Variants in DYNC1H1 observed in about 807,000 individuals in gnomAD.
DYNC1H1 encodes the protein dynein cytoplasmic 1 heavy chain 1.
Under a neutral mutation model 527.1 loss-of-function variants are expected in DYNC1H1, and 51 were observed. That is an observed-to-expected ratio of 0.10 (90% confidence interval 0.08 to 0.12). DYNC1H1 has a LOEUF of 0.12. Ranked by LOEUF, DYNC1H1 falls within the 10% of genes least tolerant of loss-of-function variation. The probability of loss-of-function intolerance (pLI) is 1.00; values close to 1 mark genes in which losing one functional copy is unlikely to be tolerated. For synonymous variants in DYNC1H1, 2,189 were observed against 2,278.8 expected (o/e 0.96, Z 1.12); for missense variants, 2,771 against 5,971.8 (o/e 0.46, Z 17.66).
intron 15 of DYNC1H1, 68 bp downstream of exon 15, chr14:101,995,368 T>C (rs950925487): frequency 6.1e-5 from 97 of 1,593,594 alleles, no homozygotes; most frequent in Non-Finnish European, 7.7e-5. Flanking sequence ...TCCCAGCACT[T>C]TGGGAGGCCG....
In DYNC1H1 at chr14:102,027,298, G is replaced by A; in HGVS notation, c.8886+10G>A. ...TGTGTACCAGATTAAGGTGCGTCTG[G>A]TCGGTGGCCTCTTAATCCCAGCAAC... On this transcript the variant is annotated intron_variant, in intron 45 of 77. Coordinates refer to ENST00000360184, the MANE Select transcript of DYNC1H1 (RefSeq NM_001376.5). The surrounding 1 kb of genome is among the most constrained non-coding windows in gnomAD (Gnocchi z 7.7). The A allele has an allele frequency of 6.2e-7, 1 of 1,614,128 alleles. No homozygotes were observed. The highest frequency in any genetic ancestry group is 8.5e-7 in the Non-Finnish European group (1 of 1,180,036).
chr14:102,002,518 C>T lies in DYNC1H1; in HGVS notation c.4543-19C>T, dbSNP rs1185267975. ...TAGAAGGGTCAGCAGTTTACCTCTC[C>T]CTCCTGTCTGCCCACCAGGTTTTTG... On this transcript the variant is annotated intron_variant, in intron 21 of 77. Coordinates refer to ENST00000360184, the MANE Select transcript of DYNC1H1 (RefSeq NM_001376.5). This position sits in a 1 kb window ranked among gnomAD's most constrained non-coding sequence, Gnocchi z 4.4. 2.5e-6 allele frequency: 4 copies of T among 1,613,816 alleles called. No homozygotes were observed. Among genetic ancestry groups the T allele is most frequent in the East Asian group, 2.2e-5 (1 of 44,884 alleles).
chr14:101,964,663 C>A lies in DYNC1H1; in HGVS notation c.-29C>A, dbSNP rs1387667460. 8 of 1,568,384 alleles carry A rather than the reference C, an allele frequency of 5.1e-6. No individual in the cohort carries two copies. Among genetic ancestry groups the A allele is most frequent in the Non-Finnish European group, 6.9e-6 (8 of 1,163,412 alleles). Reference sequence around the variant, plus strand: ...CGCTGAGTCGCGGCCGCCTTCTCATCGCTCCTGGAAGGTCCCGAGCGCGAC... The same window carrying A: ...CGCTGAGTCGCGGCCGCCTTCTCATAGCTCCTGGAAGGTCCCGAGCGCGAC... On this transcript the variant is annotated 5_prime_UTR_variant, in exon 1 of 78. Transcript: ENST00000360184. This position sits in a 1 kb window ranked among gnomAD's most constrained non-coding sequence, Gnocchi z 5.5.
chr14:101,978,186 T>A (rs2047823505), intron 2 of DYNC1H1, among the ~76,000 whole-genome samples: 1 of 152,250 alleles, frequency 6.6e-6, no homozygotes, highest in Non-Finnish European at 1.5e-5. Context: ...CGAGTAGCTG[T>A]GATTACAGGC....
chr14:101,978,855 A>G lies in DYNC1H1; in HGVS notation c.345-464A>G, dbSNP rs570619490. ...ACAAAGCACGTGATGTGTTTAGGGA[A>G]TGGGACATCTGGTCTAAGTGGTGTC... On this transcript the variant is annotated intron_variant, in intron 2 of 77. Transcript: ENST00000360184. 1.6e-3 allele frequency among the ~76,000 whole-genome samples: 239 copies of G among 152,316 alleles called. 1 individual carries two copies. The highest frequency in any genetic ancestry group is 5.1e-3 in the African/African-American group (212 of 41,574).
chr14:101,993,292 C>T (rs1216205917), intron 11 of DYNC1H1, among the ~76,000 whole-genome samples: 1 of 152,064 alleles, frequency 6.6e-6, no homozygotes, highest in African/African-American at 2.4e-5. Flanking sequence ...TATTAATATT[C>T]CCTCCTATCT....
In DYNC1H1 at chr14:102,016,721, G is replaced by A; in HGVS notation, c.7615-45G>A. 6.3e-7 allele frequency: 1 copy of A among 1,596,578 alleles called. No individual in the cohort carries two copies. The highest frequency in any genetic ancestry group is 8.5e-7 in the Non-Finnish European group (1 of 1,170,834). ...TCAGGTAAACAAACCTCGTGAGGAG[G>A]CACCTTGGTTGCAGCCGGACTCACA... On this transcript the variant is annotated intron_variant, in intron 37 of 77. Transcript: ENST00000360184. The surrounding 1 kb of genome is among the most constrained non-coding windows in gnomAD (Gnocchi z 7.3).
Position 102,049,471 on chromosome 14 carries a change from G to A in DYNC1H1, c.13404G>A (p.Thr4468=), listed in dbSNP as rs17541692. The change falls in exon 75 of 78, where the codon ACG becomes ACA. Residue 4468 remains threonine, a synonymous_variant. Transcript: ENST00000360184. This position sits in a 1 kb window ranked among gnomAD's most constrained non-coding sequence, Gnocchi z 5.5. ...TGCCTCGGAGCTGGTCCCACTACAC[G>A]GTGCCTGCCGGCATGACCGTCATCC... ...GILPRSWSHY[T]VPAGMTVIQW... is the part of the protein sequence containing the mutation. 1.8e-4 allele frequency: 289 copies of A among 1,614,172 alleles called. No individual in the cohort carries two copies. The highest frequency in any genetic ancestry group is 6.6e-4 in the Middle Eastern group (4 of 6,052).
At chr14:101,970,066 T>C (rs1019359095) in intron 1 of DYNC1H1, among the ~76,000 whole-genome samples, 13 of 152,228 alleles carry the variant, frequency 8.5e-5, no homozygotes, top group Non-Finnish European at 2.9e-5. Flanking sequence ...AAGTACCAAG[T>C]CTTAAGTTCC....
Position 102,038,372 on chromosome 14 carries a change from T to TTCCCAAAAGG in DYNC1H1, c.10909-87_10909-86insCCCAAAAGGT. 6.4e-7 allele frequency: 1 copy of TTCCCAAAAGG among 1,560,016 alleles called. No individual in the cohort carries two copies. The highest frequency in any genetic ancestry group is 8.6e-7 in the Non-Finnish European group (1 of 1,158,386). ...GCGGGTGGCTTTTGGGAAGGTATGCTTATCCAGAGTAGGACAGCAACATAG... is the reference window on the plus strand; with the variant it reads ...GCGGGTGGCTTTTGGGAAGGTATGCTTCCCAAAAGGTATCCAGAGTAGGACAGCAACATAG... On this transcript the variant is annotated intron_variant, in intron 57 of 77. Transcript: ENST00000360184. The surrounding 1 kb of genome is among the most constrained non-coding windows in gnomAD (Gnocchi z 7.2).
At chr14:102,048,393 C>G in intron 73 of DYNC1H1, 123 bp from the exon 74 acceptor site, 4 of 1,349,802 alleles carry the variant, frequency 3.0e-6, no homozygotes, top group Non-Finnish European at 4.1e-6. Context: ...CAAAGCTGTC[C>G]GTGACCCTGG....
In DYNC1H1 at chr14:101,964,734, G is replaced by T; in HGVS notation, c.43G>T (p.Gly15Ter). 6.3e-7 allele frequency: 1 copy of T among 1,596,906 alleles called. No individual in the cohort carries two copies. The highest frequency in any genetic ancestry group is 8.5e-7 in the Non-Finnish European group (1 of 1,175,652). Reference protein sequence around the residue: ...GGGGGEDGSAGLEVSAVQNVA... With the variant: ...GGGGGEDGSA The stretch of plus-strand genomic sequence containing the variant: ...CGGCGGCGGCGAGGACGGCTCGGCC[G>T]GATTGGAAGTGTCGGCCGTGCAGAA... The change falls in exon 1 of 78, where the codon GGA (glycine) becomes TGA (stop). Residue 15 changes from glycine to a stop codon, truncating the protein, a stop_gained. Coordinates refer to ENST00000360184, the MANE Select transcript of DYNC1H1 (RefSeq NM_001376.5). LOFTEE classifies it high-confidence loss of function. This position sits in a 1 kb window ranked among gnomAD's most constrained non-coding sequence, Gnocchi z 5.5.
At chr14:101,998,889 T>TG (rs199790318) in intron 16 of DYNC1H1, among the ~76,000 whole-genome samples, 12 of 146,436 alleles carry the variant, frequency 8.2e-5, no homozygotes, top group African/African-American at 3.1e-4. Flanking sequence ...CTTTTTTTTT[T>TG]TTTTTTTTTT....
chr14:102,042,978 G>C lies in DYNC1H1; in HGVS notation c.12513+230G>C, dbSNP rs2048670435. The C allele has an allele frequency of 3.5e-6, 2 of 577,272 alleles. No homozygotes were observed. Among genetic ancestry groups the C allele is most frequent in the South Asian group, 1.8e-5 (1 of 55,450 alleles). The allele number at this position is 577,272 out of a possible 1,614,324, so 35.8% of individuals were successfully genotyped here. On this transcript the variant is annotated intron_variant, in intron 69 of 77. Transcript: ENST00000360184. This position sits in a 1 kb window ranked among gnomAD's most constrained non-coding sequence, Gnocchi z 5.7. ...GAGGTGGGAGGATCACTTGAGCCCA[G>C]GAGTTCAAGACTGTCTGGGCAGGCC...
intron 5 of DYNC1H1, among the ~76,000 whole-genome samples, chr14:101,981,844 CTTAG>C (rs1566997208): frequency 2.0e-5 from 3 of 152,128 alleles, no homozygotes; most frequent in South Asian, 2.1e-4. Flanking sequence ...ATTCCATGTC[CTTAG>C]TTAGTAATAT....
chr14:102,015,217 A>G lies in DYNC1H1; in HGVS notation c.7127A>G (p.Asn2376Ser), dbSNP rs775274723. The change falls in exon 35 of 78, where the codon AAC becomes AGC. Residue 2376 changes from asparagine to serine, a missense_variant. Asn to Ser is a conservative substitution (Grantham distance 46). Transcript: ENST00000360184. This position sits in a 1 kb window ranked among gnomAD's most constrained non-coding sequence, Gnocchi z 6.9. ...GTGCTGAGCACCGACATGATCTTCA[A>G]CAACTTCCTGGCCAGGCTGCGCAGC... ...EDVLSTDMIFNNFLARLRSIP... is the reference protein window; with the variant it reads ...EDVLSTDMIFSNFLARLRSIP... The G allele has an allele frequency of 1.2e-6, 2 of 1,614,210 alleles. No individual in the cohort carries two copies. The highest frequency in any genetic ancestry group is 8.5e-7 in the Non-Finnish European group (1 of 1,180,026).
Position 102,036,507 on chromosome 14 carries a change from C to T in DYNC1H1, c.10773C>T (p.Asp3591=), listed in dbSNP as rs972929350. The change falls in exon 57 of 78, where the codon GAC becomes GAT. Residue 3591 remains aspartate, a synonymous_variant. Coordinates refer to ENST00000360184, the MANE Select transcript of DYNC1H1 (RefSeq NM_001376.5). This position sits in a 1 kb window ranked among gnomAD's most constrained non-coding sequence, Gnocchi z 5.6. ...KRFNRYPLII[D]PSGQATEFIM... is the part of the protein sequence containing the mutation. ...TCCTCAGGTATCCGCTGATCATTGA[C>T]CCCTCTGGACAGGCCACAGAATTCA... The T allele has an allele frequency of 6.2e-7, 1 of 1,613,930 alleles. No homozygotes were observed. The highest frequency in any genetic ancestry group is 8.5e-7 in the Non-Finnish European group (1 of 1,179,980).
In DYNC1H1 at chr14:101,979,293, A is replaced by G; in HGVS notation, c.345-26A>G. On this transcript the variant is annotated intron_variant, in intron 2 of 77. Coordinates refer to ENST00000360184, the MANE Select transcript of DYNC1H1 (RefSeq NM_001376.5). The surrounding 1 kb of genome is among the most constrained non-coding windows in gnomAD (Gnocchi z 4.6). Reference sequence around the variant, plus strand: ...CCTAATTAGGAGTGTAACTTTTCTAATTTCTTGTTTTATTTTTCTTTTTAG... The same window carrying G: ...CCTAATTAGGAGTGTAACTTTTCTAGTTTCTTGTTTTATTTTTCTTTTTAG... 6.2e-7 allele frequency: 1 copy of G among 1,612,470 alleles called. No homozygotes were observed. The highest frequency in any genetic ancestry group is 8.5e-7 in the Non-Finnish European group (1 of 1,178,694).
Position 101,997,412 on chromosome 14 carries a change from A to G in DYNC1H1, c.3804+138A>G, listed in dbSNP as rs1406842485. On this transcript the variant is annotated intron_variant, in intron 16 of 77. Transcript: ENST00000360184. This position sits in a 1 kb window ranked among gnomAD's most constrained non-coding sequence, Gnocchi z 4.8. ...CTCTTTTCCTTTTTGTAGTTAAAAAAGCAGATGGAGATAGCAAATGTGAAA... is the reference window on the plus strand; with the variant it reads ...CTCTTTTCCTTTTTGTAGTTAAAAAGGCAGATGGAGATAGCAAATGTGAAA... The G allele has an allele frequency of 1.4e-6, 2 of 1,463,842 alleles. No homozygotes were observed. The highest frequency in any genetic ancestry group is 1.8e-6 in the Non-Finnish European group (2 of 1,082,864). The allele number at this position is 1,463,842 out of a possible 1,614,324, so 90.7% of individuals were successfully genotyped here.
Sources: gnomAD v4.1 joint callset for allele counts (sites outside exome capture counted in the v4.1 genomes callset) on GRCh38, gnomAD v4.1.1 for gene constraint, Gnocchi (gnomAD v3.1) non-coding constraint, MANE v1.5 for transcripts, NCBI Gene and HGNC (gene_info 2026-07-23, HGNC 2026-07-21) for gene names.